The following B4GALNT1 variants were observed in gnomAD, a reference collection of about 807,000 sequenced individuals.
B4GALNT1 encodes the protein beta-1,4 N-acetylgalactosaminyltransferase 1.
Under a neutral mutation model 55.2 loss-of-function variants are expected in B4GALNT1, and 43 were observed. The observed-to-expected ratio is 0.78, with a 90% CI of 0.61 to 1.00. The LOEUF (loss-of-function observed/expected upper bound fraction) is 1.00. Ranked by LOEUF, B4GALNT1 falls within the 50% of genes least tolerant of loss-of-function variation. B4GALNT1 has a pLI of 0.00. For missense variants in B4GALNT1, 664 were observed against 729.7 expected, an observed-to-expected ratio of 0.91 and a Z score of 1.04; for synonymous variants, 305 against 311.6, an observed-to-expected ratio of 0.98 and a Z score of 0.22.
intron 7 of B4GALNT1, 40 bp from the exon 8 acceptor site, chr12:57,628,943 G>A (rs1388870111): frequency 3.5e-5 from 56 of 1,612,004 alleles, no homozygotes; most frequent in Non-Finnish European, 4.6e-5. Flanking sequence ...GACAAGGAGG[G>A]TTGGGAGAGG....
rs1885333138 is a variant in B4GALNT1 at position 57,633,147 on chromosome 12, A to AGCGCG, written c.-382_-378dup. ...CGCCCGGCTCTTCGCACCGCAGCGC[A>AGCGCG]GCGCGGCTCAGCTCCCGGCTCGTTG... is the stretch of plus-strand genomic sequence containing the variant. On this transcript the variant is annotated 5_prime_UTR_variant, in exon 1 of 11. Transcript: ENST00000341156. The AGCGCG allele has an allele frequency of 6.6e-6, 1 of 152,252 alleles. No individual in the cohort carries two copies. 9.4% of individuals were successfully genotyped at this position (152,252 alleles called of 1,614,324 possible).
intron 10 of B4GALNT1, 100 bp downstream of exon 10, chr12:57,627,518 C>T (rs750607683): frequency 7.1e-5 from 102 of 1,434,730 alleles, no homozygotes; most frequent in Non-Finnish European, 8.7e-5. Context: ...TTCCCGCTGG[C>T]GGCTGGGCGC....
At position 57,627,683 on chromosome 12, in the gene B4GALNT1, A is replaced by T; in HGVS notation, c.1319T>A (p.Leu440Gln). The change falls in exon 10 of 11, where the codon CTG (leucine) becomes CAG (glutamine). Residue 440 changes from leucine (L) to glutamine (Q), a missense_variant. Leu to Gln is a moderately radical substitution (Grantham distance 113). Transcript: ENST00000341156. Reference protein sequence around the residue: ...VVTDGVVNFFLARTDKVREVG... With the variant: ...VVTDGVVNFFQARTDKVREVG... Reference sequence around the variant, plus strand: ...CTCGCGCACCTTGTCAGTCCGCGCCAGGAAGAAGTTAACCACGCCGTCGGT... The same window carrying T: ...CTCGCGCACCTTGTCAGTCCGCGCCTGGAAGAAGTTAACCACGCCGTCGGT... The T allele has an allele frequency of 6.2e-7, 1 of 1,612,056 alleles. No homozygotes were observed. Among genetic ancestry groups the T allele is most frequent in the Non-Finnish European group, 8.5e-7 (1 of 1,178,888 alleles).
At chr12:57,630,723 G>A (rs1885146817) in intron 4 of B4GALNT1, among the ~76,000 whole-genome samples, 1 of 152,178 alleles carries the variant, frequency 6.6e-6, no homozygotes, top group Non-Finnish European at 1.5e-5. Context: ...GGCCTGCCCT[G>A]ACCACCACCT....
At chr12:57,629,829 C>T (rs1189152624) in intron 6 of B4GALNT1, 1 of 1,462,978 alleles carries the variant, frequency 6.8e-7, no homozygotes, top group Non-Finnish European at 9.0e-7. Context: ...AAGTAAAGAC[C>T]TTTGCCCTCT....
intron 10 of B4GALNT1, 106 bp from the exon 11 acceptor site, chr12:57,627,067 C>G (rs1884865231): frequency 1.1e-5 from 11 of 972,726 alleles, no homozygotes; most frequent in Non-Finnish European, 1.7e-5. Context: ...TGTGCAAAGG[C>G]TTGTTTCTAA....
rs1885193609 is a variant in B4GALNT1 at position 57,631,269 on chromosome 12, G to A, written c.314C>T (p.Ala105Val). ...KQVRAIDLTK[A>V]FDPAELRAAS... The stretch of plus-strand genomic sequence containing the variant: ...AGCCCTCAGCTCTGCAGGGTCAAAG[G>A]CCTTGGTGAGGTCAATAGCTCGGAC... The change falls in exon 3 of 11, where the codon GCC becomes GTC. Residue 105 changes from alanine (A) to valine (V), a missense_variant. By Grantham distance (64) the Ala-to-Val change is moderately conservative. Coordinates refer to ENST00000341156, the MANE Select transcript of B4GALNT1 (RefSeq NM_001478.5). 1 of 1,614,086 alleles carries A rather than the reference G, an allele frequency of 6.2e-7. No homozygotes were observed. Among genetic ancestry groups the A allele is most frequent in the African/African-American group, 1.3e-5 (1 of 74,932 alleles).
intron 5 of B4GALNT1, 24 bp from the exon 6 acceptor site, chr12:57,630,356 G>C (rs777766666): frequency 6.2e-7 from 1 of 1,609,024 alleles, no homozygotes; most frequent in Non-Finnish European, 8.5e-7. Context: ...GGAGAGTGCA[G>C]GGTTAGGCCC....
At position 57,623,824 on chromosome 12, in the gene B4GALNT1, C is replaced by A. The variant is rs1435316015; in HGVS notation, c.*2920G>T. On this transcript the variant is annotated 3_prime_UTR_variant, in exon 11 of 11. Transcript: ENST00000341156. ...CTCTTCCTTTTTTGCTCCTGTTCCT[C>A]CTTTTCTCTAGCTGGCAGGCCTCTT... is the stretch of plus-strand genomic sequence containing the variant. 6.2e-7 allele frequency: 1 copy of A among 1,612,832 alleles called. No individual in the cohort carries two copies. Among genetic ancestry groups the A allele is most frequent in the Non-Finnish European group, 8.5e-7 (1 of 1,179,674 alleles).
At position 57,630,534 on chromosome 12, in the gene B4GALNT1, G is replaced by T; in HGVS notation, c.491-16C>A. ...AGGCTCAGCCCTAGGAGAAAGGAGT[G>T]GGGGGATCAGAATCACATAGGCAGC... On this transcript the variant is annotated splice_polypyrimidine_tract_variant and intron_variant, in intron 4 of 10. Transcript: ENST00000341156. The T allele has an allele frequency of 6.3e-7, 1 of 1,598,280 alleles. No individual in the cohort carries two copies.
rs1382551229 is a variant in B4GALNT1, at chr12:57,626,952, A to C, written c.1394T>G (p.Leu465Trp). The C allele has an allele frequency of 6.2e-7, 1 of 1,613,628 alleles. No individual in the cohort carries two copies. Among genetic ancestry groups the C allele is most frequent in the Non-Finnish European group, 8.5e-7 (1 of 1,179,696 alleles). The change falls in exon 11 of 11, where the codon TTG (leucine) becomes TGG (tryptophan). Residue 465 changes from leucine (L) to tryptophan (W), a missense_variant. By Grantham distance (61) the Leu-to-Trp change is moderately conservative. Coordinates refer to ENST00000341156, the MANE Select transcript of B4GALNT1 (RefSeq NM_001478.5). ...AACCCGAAGGGAACCAAGCCCATCC[A>C]AGAAGAATTCTGGGGGTGGAGGGGA... ...LSRVAHLEFF[L>W]DGLGSLRVGS... is the part of the protein sequence containing the mutation.
intron 2 of B4GALNT1, among the ~76,000 whole-genome samples, 200 bp from the exon 3 acceptor site, chr12:57,631,564 A>T (rs1885213568): frequency 6.6e-6 from 1 of 152,130 alleles, no homozygotes; most frequent in Non-Finnish European, 1.5e-5. Context: ...TGGATTTTAG[A>T]GTTGTAGGAT....
chr12:57,625,458 T>C lies in B4GALNT1; in HGVS notation c.*1286A>G, dbSNP rs1295192737. The C allele has an allele frequency of 1.2e-6, 2 of 1,614,032 alleles. No homozygotes were observed. The highest frequency in any genetic ancestry group is 2.2e-5 in the South Asian group (2 of 91,076). ...TAGGATCCGCCTCCTCCTGGCTCAG[T>C]GTAATGGTGAGATGTGTGGAGAAGA... is the stretch of plus-strand genomic sequence containing the variant. On this transcript the variant is annotated 3_prime_UTR_variant, in exon 11 of 11. Coordinates refer to ENST00000341156, the MANE Select transcript of B4GALNT1 (RefSeq NM_001478.5).
rs1472157454 is a variant in B4GALNT1 at position 57,627,724 on chromosome 12, G to A, written c.1278C>T (p.Phe426=). 6.2e-6 allele frequency: 10 copies of A among 1,612,056 alleles called. No individual in the cohort carries two copies. Among genetic ancestry groups the A allele is most frequent in the Non-Finnish European group, 8.5e-6 (10 of 1,179,042 alleles). ...CGCCGTCGGTGACCACGCAGCCTGG[G>A]AAGCCGACGAGCTCGTGGTGGAAGC... ...RRGFHHELVG[F]PGCVVTDGVV... The change falls in exon 10 of 11, where the codon TTC becomes TTT. Residue 426 remains phenylalanine, a synonymous_variant. Coordinates refer to ENST00000341156, the MANE Select transcript of B4GALNT1 (RefSeq NM_001478.5).
chr12:57,623,699 A>T lies in B4GALNT1; in HGVS notation c.*3045T>A. The T allele has an allele frequency of 1.5e-6, 1 of 687,482 alleles. No homozygotes were observed. Among genetic ancestry groups the T allele is most frequent in the African/African-American group, 1.8e-5 (1 of 56,286 alleles). The allele number at this position is 687,482 out of a possible 1,614,324, so 42.6% of individuals were successfully genotyped here. On this transcript the variant is annotated 3_prime_UTR_variant, in exon 11 of 11. Coordinates refer to ENST00000341156, the MANE Select transcript of B4GALNT1 (RefSeq NM_001478.5). Reference sequence around the variant, plus strand: ...TAGATGTGAATGGCAGAATATTAAGAAGGGGGTTGTGTGGAAGGAGATTTG... The same window carrying T: ...TAGATGTGAATGGCAGAATATTAAGTAGGGGGTTGTGTGGAAGGAGATTTG...
In B4GALNT1 at chr12:57,630,203, G is replaced by A. The variant is rs1410753769; in HGVS notation, c.661C>T (p.Gln221Ter). The part of the protein sequence containing the change: ...PGLDQLNRQL[Q>*]LVTYSSRSYQ... ...CTTCGGCTGCTGTAAGTGACCAGTT[G>A]TAGTTGCCTGTTGAGTTGGTCCAGC... Residue 221 changes from glutamine (Q) to a stop codon, truncating the protein, a stop_gained, in exon 6 of 11, where the codon CAA becomes TAA. Coordinates refer to ENST00000341156, the MANE Select transcript of B4GALNT1 (RefSeq NM_001478.5). LOFTEE classifies it high-confidence loss of function. The A allele has an allele frequency of 6.2e-7, 1 of 1,614,202 alleles. No individual in the cohort carries two copies. Among genetic ancestry groups the A allele is most frequent in the East Asian group, 2.2e-5 (1 of 44,878 alleles).
rs1376003362 is a variant in B4GALNT1 at position 57,626,947 on chromosome 12, C to T, written c.1399G>A (p.Gly467Arg). 1 of 1,613,812 alleles carries T rather than the reference C, an allele frequency of 6.2e-7. No homozygotes were observed. Among genetic ancestry groups the T allele is most frequent in the Admixed American group, 1.7e-5 (1 of 59,974 alleles). Residue 467 changes from glycine to arginine, a missense_variant, in exon 11 of 11, where the codon GGG becomes AGG. By Grantham distance (125) the Gly-to-Arg change is moderately radical. Transcript: ENST00000341156. Reference sequence around the variant, plus strand: ...GAGCCAACCCGAAGGGAACCAAGCCCATCCAAGAAGAATTCTGGGGGTGGA... The same window carrying T: ...GAGCCAACCCGAAGGGAACCAAGCCTATCCAAGAAGAATTCTGGGGGTGGA... The part of the protein sequence containing the change: ...RVAHLEFFLD[G>R]LGSLRVGSCS...
Position 57,631,365 on chromosome 12 carries a change from C to G in B4GALNT1, c.219-1G>C. On this transcript the variant is annotated splice_acceptor_variant, in intron 2 of 10. Transcript: ENST00000341156. LOFTEE classifies it high-confidence loss of function. ...ACTGCAGTTGTTCCAAGCCAGCAGC[C>G]TGAAGGGGGTAGGTAGTGAGGGTCA... 1 of 1,613,960 alleles carries G rather than the reference C, an allele frequency of 6.2e-7. No individual in the cohort carries two copies. The highest frequency in any genetic ancestry group is 1.1e-5 in the South Asian group (1 of 91,070).
chr12:57,627,528 C>A, intron 10 of B4GALNT1, 90 bp downstream of exon 10: 1 of 1,461,784 alleles, frequency 6.8e-7, no homozygotes, highest in South Asian at 1.4e-5. Flanking sequence ...CGGCTGGGCG[C>A]GGGTGCAGCC....
Sources: allele counts gnomAD v4.1 joint callset (sites outside exome capture counted in the v4.1 genomes callset), GRCh38; gene constraint gnomAD v4.1.1; transcripts MANE v1.5; gene names NCBI Gene and HGNC (gene_info 2026-07-23, HGNC 2026-07-21).